The following ADAMTS17 variants were observed in gnomAD, a reference collection of about 807,000 sequenced individuals.
The protein encoded by ADAMTS17 is A disintegrin and metalloproteinase with thrombospondin motifs 17.
ADAMTS17 carries 113 observed loss-of-function variants against 141.5 expected under a neutral mutation model. That is an observed-to-expected ratio of 0.80 (90% CI 0.69 to 0.93). The LOEUF is 0.93. ADAMTS17 is among the 40% of genes least tolerant of loss of function. The pLI, the probability that ADAMTS17 is intolerant of heterozygous loss-of-function variation, is 0.00. For synonymous variants in ADAMTS17, 768 were observed against 630.6 expected (o/e 1.22, Z -3.27); for missense variants, 1,659 against 1,517.9 (o/e 1.09, Z -1.54).
chr15:100,019,117 C>T (rs892900), intron 18 of ADAMTS17, among the ~76,000 whole-genome samples: 92,050 of 152,102 alleles, frequency 0.61, 29,980 homozygotes, highest in Non-Finnish European at 0.75. Context: ...ATATAGAAAA[C>T]GAATGCCAAA....
chr15:100,139,661 C>T (rs1260597327), intron 10 of ADAMTS17, among the ~76,000 whole-genome samples: 2 of 152,246 alleles, frequency 1.3e-5, no homozygotes, highest in African/African-American at 2.4e-5. Flanking sequence ...AGTAACGAGA[C>T]ATAATGACCA....
intron 7 of ADAMTS17, among the ~76,000 whole-genome samples, chr15:100,240,361 T>C (rs749368990): frequency 1.3e-5 from 2 of 152,176 alleles, no homozygotes; most frequent in South Asian, 2.1e-4. Flanking sequence ...TCCAAGACCA[T>C]AGCAAAGGCT....
chr15:100,246,873 T>TTATTTATA, intron 7 of ADAMTS17, among the ~76,000 whole-genome samples: 1 of 129,740 alleles, frequency 7.7e-6, no homozygotes. Flanking sequence ...TTATTTTTAT[T>TTATTTATA]TATTTATTTA....
intron 3 of ADAMTS17, among the ~76,000 whole-genome samples, chr15:100,283,976 C>T (rs528899529): frequency 2.6e-5 from 4 of 152,094 alleles, no homozygotes; most frequent in African/African-American, 7.2e-5. Flanking sequence ...CATGGTGGTG[C>T]GTGCCTGTAA....
intron 3 of ADAMTS17, among the ~76,000 whole-genome samples, chr15:100,320,952 A>G (rs1285295517): frequency 1.3e-5 from 2 of 152,238 alleles, no homozygotes; most frequent in East Asian, 1.9e-4. Context: ...AGCCCAGGGA[A>G]GAGGGTTGCA....
At chr15:100,270,574 GGCATCA>G (rs1249578824) in intron 4 of ADAMTS17, among the ~76,000 whole-genome samples, 1 of 151,686 alleles carries the variant, frequency 6.6e-6, no homozygotes, top group East Asian at 2.0e-4. Flanking sequence ...GCTGGTATAT[GGCATCA>G]GTCATTCATT....
intron 10 of ADAMTS17, among the ~76,000 whole-genome samples, chr15:100,144,533 G>C (rs1455396695): frequency 1.3e-5 from 2 of 151,736 alleles, no homozygotes; most frequent in Non-Finnish European, 2.9e-5. Context: ...CTGGGTGACA[G>C]AGCAAGACTC....
At position 100,226,965 on chromosome 15, in the gene ADAMTS17, AT is replaced by A. The variant is rs1487257616; in HGVS notation, c.1075+27170del. ...GTGATTTGATGCAATTAAGTGACAA[AT>A]ATATGACGTCCATCATTTCAAAAGA... On this transcript the variant is annotated intron_variant, in intron 7 of 21. Transcript: ENST00000268070. Among the ~76,000 whole-genome samples, 4 of 152,310 alleles carry A rather than the reference AT, an allele frequency of 2.6e-5. No individual in the cohort carries two copies. The East Asian group carries it at 7.7e-4, about 29-fold the overall frequency.
intron 7 of ADAMTS17, among the ~76,000 whole-genome samples, chr15:100,220,263 G>A (rs182847273): frequency 1.4e-4 from 22 of 152,296 alleles, no homozygotes; most frequent in Non-Finnish European, 2.5e-4. Context: ...TCAGTAGCCC[G>A]AGATGTCACC....
At chr15:100,155,608 T>C (rs911891369) in intron 8 of ADAMTS17, among the ~76,000 whole-genome samples, 1 of 152,232 alleles carries the variant, frequency 6.6e-6, no homozygotes, top group Admixed American at 6.5e-5. Context: ...AACTGTGACA[T>C]GATAATTCTT....
chr15:100,036,305 G>A (rs958166459), intron 18 of ADAMTS17, among the ~76,000 whole-genome samples: 3 of 152,254 alleles, frequency 2.0e-5, no homozygotes, highest in African/African-American at 2.4e-5. Context: ...GGACAGAGGC[G>A]CTGGGAGAAG....
chr15:100,340,898 G>C lies in ADAMTS17; in HGVS notation c.450+141C>G, dbSNP rs1596560418. 3 of 1,303,234 alleles carry C rather than the reference G, an allele frequency of 2.3e-6. No homozygotes were observed. In the East Asian group the frequency reaches 8.1e-5, roughly 35 times the overall value. The allele number at this position is 1,303,234 out of a possible 1,614,324, so 80.7% of individuals were successfully genotyped here. ...CGAAGGCCGGGGTGGGGGATGGGGA[G>C]AGGTGGAAAGGCAGGGGGTTCCCTC... On this transcript the variant is annotated intron_variant, in intron 2 of 21. Coordinates refer to ENST00000268070, the MANE Select transcript of ADAMTS17 (RefSeq NM_139057.4).
At chr15:100,241,635 C>A (rs1435950144) in intron 7 of ADAMTS17, among the ~76,000 whole-genome samples, 1 of 152,164 alleles carries the variant, frequency 6.6e-6, no homozygotes, top group Admixed American at 6.5e-5. Context: ...CTGGGCCAGG[C>A]CTAGAAATAG....
At chr15:100,227,858 G>C (rs1188185480) in intron 7 of ADAMTS17, among the ~76,000 whole-genome samples, 1 of 152,214 alleles carries the variant, frequency 6.6e-6, no homozygotes, top group Non-Finnish European at 1.5e-5. Context: ...ATGTATAAGA[G>C]AGGGGCATGG....
chr15:100,068,554 C>T (rs1367623701), intron 15 of ADAMTS17, among the ~76,000 whole-genome samples: 5 of 152,204 alleles, frequency 3.3e-5, no homozygotes, highest in South Asian at 4.1e-4. Context: ...TGAGACAAAA[C>T]TTCCAGAGGA....
At chr15:100,151,604 T>C (rs2039168204) in intron 10 of ADAMTS17, among the ~76,000 whole-genome samples, 1 of 152,188 alleles carries the variant, frequency 6.6e-6, no homozygotes, top group South Asian at 2.1e-4. Flanking sequence ...TCCCTCAGGC[T>C]GACCACCTGC....
At chr15:100,205,777 G>C (rs903145084) in intron 7 of ADAMTS17, among the ~76,000 whole-genome samples, 2 of 152,232 alleles carry the variant, frequency 1.3e-5, no homozygotes, top group African/African-American at 4.8e-5. Flanking sequence ...CACGCCTAGG[G>C]GAAGCAGCCT....
chr15:100,215,481 T>C (rs535805999), intron 7 of ADAMTS17, among the ~76,000 whole-genome samples: 1 of 152,274 alleles, frequency 6.6e-6, no homozygotes, highest in South Asian at 2.1e-4. Flanking sequence ...TTATCTGAGC[T>C]TGTGCACTAT....
At chr15:100,098,949 A>G (rs1166232364) in intron 14 of ADAMTS17, among the ~76,000 whole-genome samples, 6 of 152,086 alleles carry the variant, frequency 3.9e-5, no homozygotes. Context: ...CATTCCTTAC[A>G]CTGGCTTCCT....
Sources: allele counts gnomAD v4.1 joint callset (sites outside exome capture counted in the v4.1 genomes callset), GRCh38; gene constraint gnomAD v4.1.1; transcripts MANE v1.5; gene names NCBI Gene and HGNC (gene_info 2026-07-23, HGNC 2026-07-21).